Variants in SLC22A25 observed in about 807,000 individuals in gnomAD.
SLC22A25 encodes MGI:2442751, MGI:2385316, MGI:3042283, MGI:3645714, MGI:3605624, MGI:2442750.
In SLC22A25, 44 loss-of-function variants were observed where a neutral mutation model predicts 45.9. That is an observed-to-expected ratio of 0.96 (90% CI 0.75 to 1.23). The LOEUF (loss-of-function observed/expected upper bound fraction) is 1.23, where lower values mean the gene tolerates loss of function less well. Among genes scored for constraint, SLC22A25 ranks in the 50% most tolerant of loss-of-function variants. SLC22A25 has a pLI of 0.00. For missense variants in SLC22A25, 800 were observed against 666.4 expected (o/e 1.20, Z -2.21); for synonymous variants, 283 against 238.6 (o/e 1.19, Z -1.72).
At chr11:63,192,553 A>G (rs889856067) in intron 7 of SLC22A25, among the ~76,000 whole-genome samples, 1 of 152,188 alleles carries the variant, frequency 6.6e-6, no homozygotes, top group Non-Finnish European at 1.5e-5. Flanking sequence ...AAATCTGGAT[A>G]AAAAAACAAG....
At chr11:63,164,183 T>G in intron 11 of SLC22A25, 110 bp from the exon 12 acceptor site, 1 of 1,377,802 alleles carries the variant, frequency 7.3e-7, no homozygotes, top group Non-Finnish European at 9.9e-7. Flanking sequence ...ATGGAGGTGA[T>G]AACATACTCT....
Position 63,163,572 on chromosome 11 carries a change from T to G in SLC22A25, c.*252A>C, listed in dbSNP as rs1228641389. Among the ~76,000 whole-genome samples the G allele has an allele frequency of 6.6e-6, 1 of 152,066 alleles. No homozygotes were observed. The highest frequency in any genetic ancestry group is 1.5e-5 in the Non-Finnish European group (1 of 68,018). On this transcript the variant is annotated 3_prime_UTR_variant, in exon 12 of 12. Coordinates refer to ENST00000306494, the MANE Select transcript of SLC22A25 (RefSeq NM_199352.6). ...TGTTTGTAGAATACCTTCAAGAGTATGCATGTCATACCAGGGCAGGAAGGG... is the reference window on the plus strand; with the variant it reads ...TGTTTGTAGAATACCTTCAAGAGTAGGCATGTCATACCAGGGCAGGAAGGG...
Position 63,163,230 on chromosome 11 carries a change from G to A in SLC22A25, c.*594C>T, listed in dbSNP as rs960499234. Among the ~76,000 whole-genome samples, 2 of 152,146 alleles carry A rather than the reference G, an allele frequency of 1.3e-5. No homozygotes were observed. Among genetic ancestry groups the A allele is most frequent in the African/African-American group, 4.8e-5 (2 of 41,428 alleles). On this transcript the variant is annotated 3_prime_UTR_variant, in exon 12 of 12. Coordinates refer to ENST00000306494, the MANE Select transcript of SLC22A25 (RefSeq NM_199352.6). Reference sequence around the variant, plus strand: ...CATTGACCAAAGGGATTTTGGAAAAGGCAAGAGAAGCACAGAAAAGTTTTA... The same window carrying A: ...CATTGACCAAAGGGATTTTGGAAAAAGCAAGAGAAGCACAGAAAAGTTTTA...
intron 5 of SLC22A25, chr11:63,220,007 G>A (rs1282987483): frequency 4.7e-6 from 6 of 1,289,134 alleles, no homozygotes; most frequent in Admixed American, 2.3e-5. Context: ...ATGGTTGGGC[G>A]ATGATAATGG....
At chr11:63,221,167 G>A (rs997363456) in intron 5 of SLC22A25, among the ~76,000 whole-genome samples, 3 of 152,094 alleles carry the variant, frequency 2.0e-5, no homozygotes, top group African/African-American at 7.2e-5. Context: ...GAATCATATA[G>A]TAGCTCTACA....
Position 63,217,377 on chromosome 11 carries a change from C to T in SLC22A25, c.767G>A (p.Arg256Gln), listed in dbSNP as rs139770703. The T allele has an allele frequency of 8.4e-5, 135 of 1,613,950 alleles. No individual in the cohort carries two copies. The highest frequency in any genetic ancestry group is 5.4e-4 in the East Asian group (24 of 44,848). The change falls in exon 7 of 12, where the codon CGA (arginine) becomes CAA (glutamine). Residue 256 changes from arginine (R) to glutamine (Q), a missense_variant. Coordinates refer to ENST00000306494, the MANE Select transcript of SLC22A25 (RefSeq NM_199352.6). ...CACCAACTGGAGGATGCACTGGTCT[C>T]GAATGACAAAAGCCAGGCTTCCCAG... is the stretch of plus-strand genomic sequence containing the variant. ...ITLGSLAFVIRDQCILQLVMS... is the reference protein window; with the variant it reads ...ITLGSLAFVIQDQCILQLVMS...
intron 7 of SLC22A25, among the ~76,000 whole-genome samples, chr11:63,216,917 T>C (rs1590886518): frequency 6.6e-6 from 1 of 152,218 alleles, no homozygotes; most frequent in East Asian, 1.9e-4. Context: ...CCATGAGATA[T>C]TTTGGATATC....
At chr11:63,214,815 C>T (rs1327902493) in intron 7 of SLC22A25, among the ~76,000 whole-genome samples, 1 of 151,086 alleles carries the variant, frequency 6.6e-6, no homozygotes, top group Non-Finnish European at 1.5e-5. Context: ...TTTGACTGGG[C>T]CAGTGCACCT....
Position 63,229,485 on chromosome 11 carries a change from A to G in SLC22A25, c.168T>C (p.Asn56=). Residue 56 remains asparagine (N), a synonymous_variant, in exon 4 of 12, where the codon AAT becomes AAC. Transcript: ENST00000306494. The stretch of plus-strand genomic sequence containing the variant: ...CAGGGTCATTGTCAGGGATAGTGTC[A>G]TTGTCCAGTATATGAACCCAGCAGC... The part of the protein sequence containing the change: ...DHRCWVHILD[N]DTIPDNDPGT... The G allele has an allele frequency of 1.2e-6, 2 of 1,614,158 alleles. No homozygotes were observed.
chr11:63,205,705 A>T (rs1455464771), intron 7 of SLC22A25, among the ~76,000 whole-genome samples: 1 of 152,210 alleles, frequency 6.6e-6, no homozygotes, highest in Non-Finnish European at 1.5e-5. Flanking sequence ...AAAGATTTAC[A>T]GCCGAATTCT....
At chr11:63,222,033 T>G (rs1565118258) in intron 5 of SLC22A25, among the ~76,000 whole-genome samples, 1 of 152,096 alleles carries the variant, frequency 6.6e-6, no homozygotes, top group Non-Finnish European at 1.5e-5. Context: ...TTACGATAGC[T>G]CTGTAGTATA....
intron 3 of SLC22A25, among the ~76,000 whole-genome samples, chr11:63,231,131 A>T (rs1162091872): frequency 6.6e-6 from 1 of 152,316 alleles, no homozygotes; most frequent in African/African-American, 2.4e-5. Context: ...GTGTCTTTAT[A>T]GCAGCATGAT....
chr11:63,189,338 G>A (rs900953818), intron 7 of SLC22A25, among the ~76,000 whole-genome samples: 2 of 152,164 alleles, frequency 1.3e-5, no homozygotes, highest in African/African-American at 4.8e-5. Flanking sequence ...TTGGTTTAAA[G>A]TCTGTTTTAT....
intron 7 of SLC22A25, among the ~76,000 whole-genome samples, chr11:63,204,177 A>C (rs2089329373): frequency 6.6e-6 from 1 of 152,262 alleles, no homozygotes; most frequent in African/African-American, 2.4e-5. Context: ...ATAAAAAGGA[A>C]AAACTGGTAG....
chr11:63,190,563 G>T (rs1437242960), intron 7 of SLC22A25, among the ~76,000 whole-genome samples: 1 of 152,050 alleles, frequency 6.6e-6, no homozygotes, highest in Non-Finnish European at 1.5e-5. Context: ...GTCATTGTCT[G>T]TCCAGCTTTG....
chr11:63,217,719 C>T lies in SLC22A25; in HGVS notation c.523G>A (p.Val175Met), dbSNP rs760030576. Residue 175 changes from valine to methionine, a missense_variant, in exon 6 of 12, where the codon GTG becomes ATG. Transcript: ENST00000306494. ...HLSDRFGRKF[V>M]LRWSYLQLAI... ...AGCTGGAGGTAAGACCATCTGAGCACGAACTTTCTCCCAAACCTGAGAAAC... is the reference window on the plus strand; with the variant it reads ...AGCTGGAGGTAAGACCATCTGAGCATGAACTTTCTCCCAAACCTGAGAAAC... 8.7e-6 allele frequency: 14 copies of T among 1,607,968 alleles called. No homozygotes were observed. Among genetic ancestry groups the T allele is most frequent in the Middle Eastern group, 1.7e-4 (1 of 5,972 alleles).
Position 63,234,160 on chromosome 11 carries a change from G to C in SLC22A25, c.-445+3721C>G, listed in dbSNP as rs1005970668. On this transcript the variant is annotated intron_variant, in intron 3 of 11. Coordinates refer to ENST00000306494, the MANE Select transcript of SLC22A25 (RefSeq NM_199352.6). ...TGTAGATGTCTATTAGGTCCGCTTG[G>C]TGCAGAGCTGAGTTTAGTTCCTGGA... 6.6e-5 allele frequency among the ~76,000 whole-genome samples: 10 copies of C among 152,172 alleles called. 1 individual carries two copies. In the South Asian group the frequency reaches 2.1e-3, roughly 32 times the overall value.
chr11:63,200,312 C>A (rs1161388751), intron 7 of SLC22A25, among the ~76,000 whole-genome samples: 1 of 148,936 alleles, frequency 6.7e-6, no homozygotes, highest in Admixed American at 6.9e-5. Flanking sequence ...CCAGCATGAT[C>A]TAGTAGACTT....
chr11:63,214,470 C>A (rs2089659390), intron 7 of SLC22A25, among the ~76,000 whole-genome samples: 1 of 152,186 alleles, frequency 6.6e-6, no homozygotes, highest in Non-Finnish European at 1.5e-5. Flanking sequence ...CCAATTCCCC[C>A]TGAGAAACAG....
Sources: gnomAD v4.1 joint callset for allele counts (sites outside exome capture counted in the v4.1 genomes callset) on GRCh38, gnomAD v4.1.1 for gene constraint, MANE v1.5 for transcripts, NCBI Gene and HGNC (gene_info 2026-07-23, HGNC 2026-07-21) for gene names.